LIG1: variants seen among roughly 807,000 people sequenced by gnomAD.
LIG1 encodes ligase I, DNA, ATP-dependent.
Under a neutral mutation model 115.7 loss-of-function variants are expected in LIG1, and 70 were observed. The observed-to-expected ratio is 0.60, with a 90% confidence interval of 0.50 to 0.74. The LOEUF (loss-of-function observed/expected upper bound fraction) is 0.74. Ranked by LOEUF, LIG1 falls within the 30% of genes least tolerant of loss-of-function variation. The pLI, the probability that LIG1 is intolerant of heterozygous loss-of-function variation, is 0.00. For missense variants in LIG1, 1,115 were observed against 1,225.6 expected (o/e 0.91, Z 1.35); for synonymous variants, 487 against 495.3 (o/e 0.98, Z 0.22).
chr19:48,139,222 T>A (rs1221108431), intron 12 of LIG1, among the ~76,000 whole-genome samples: 6 of 152,178 alleles, frequency 3.9e-5, no homozygotes, highest in Non-Finnish European at 8.8e-5. Flanking sequence ...AGGTTGCTCA[T>A]GCCTGCCCCA....
chr19:48,117,749 C>A lies in LIG1; in HGVS notation c.2472G>T (p.Val824=), dbSNP rs528662739. The A allele has an allele frequency of 6.2e-7, 1 of 1,613,184 alleles. No homozygotes were observed. Among genetic ancestry groups the A allele is most frequent in the African/African-American group, 1.3e-5 (1 of 75,060 alleles). Reference sequence around the variant, plus strand: ...CGGGAATCACAGCGCCATCTATCCGCACGTAAGGGCGTGGGCTGGGCAGCA... The same window carrying A: ...CGGGAATCACAGCGCCATCTATCCGAACGTAAGGGCGTGGGCTGGGCAGCA... ...ALVLPSPRPY[V]RIDGAVIPDH... is the part of the protein sequence containing the mutation. Residue 824 remains valine, a synonymous_variant, in exon 26 of 28, where the codon GTG becomes GTT. Transcript: ENST00000263274.
chr19:48,135,891 G>GCGGGCCCCCCC, intron 15 of LIG1, 112 bp from the exon 16 acceptor site: 1 of 928,676 alleles, frequency 1.1e-6, no homozygotes, highest in Non-Finnish European at 1.7e-6. Context: ...GGCCCAAGAC[G>GCGGGCCCCCCC]CCCCCTCCCC....
At chr19:48,144,559 T>C (rs981276297) in intron 9 of LIG1, among the ~76,000 whole-genome samples, 3 of 152,052 alleles carry the variant, frequency 2.0e-5, no homozygotes, top group Non-Finnish European at 2.9e-5. Context: ...TGGAGTGCAG[T>C]GGCATGATCT....
At chr19:48,160,868 C>A (rs997357628) in intron 4 of LIG1, among the ~76,000 whole-genome samples, 1 of 151,870 alleles carries the variant, frequency 6.6e-6, no homozygotes, top group Non-Finnish European at 1.5e-5. Context: ...AAGGAGATAG[C>A]ACCACAGGCA....
chr19:48,137,783 G>A lies in LIG1; in HGVS notation c.1088-95C>T, dbSNP rs755841950. The stretch of plus-strand genomic sequence containing the variant: ...GCCTGGATGAATTTTCTCCAGCTGT[G>A]TGTGCTTGTGGCGAGTCCCTGCACC... On this transcript the variant is annotated intron_variant, in intron 12 of 27. Transcript: ENST00000263274. This position sits in a 1 kb window ranked among gnomAD's most constrained non-coding sequence, Gnocchi z 4.3. The A allele has an allele frequency of 6.8e-7, 1 of 1,481,172 alleles. No homozygotes were observed. The highest frequency in any genetic ancestry group is 9.2e-7 in the Non-Finnish European group (1 of 1,089,612). 91.8% of individuals were successfully genotyped at this position (1,481,172 alleles called of 1,614,324 possible).
chr19:48,126,813 G>A (rs2122464036), intron 21 of LIG1, among the ~76,000 whole-genome samples: 1 of 151,222 alleles, frequency 6.6e-6, no homozygotes, highest in South Asian at 2.1e-4. Context: ...TGAACTACTG[G>A]GCTCAAGCGA....
At chr19:48,126,200 G>A (rs151197702) in intron 21 of LIG1, among the ~76,000 whole-genome samples, 9 of 152,200 alleles carry the variant, frequency 5.9e-5, no homozygotes, top group Admixed American at 3.9e-4. Context: ...TAGCCATGCC[G>A]CTAGGAAGGT....
intron 11 of LIG1, 24 bp downstream of exon 11, chr19:48,143,515 CCCCA>C: frequency 1.8e-6 from 1 of 561,070 alleles, no homozygotes; most frequent in Non-Finnish European, 3.4e-6. Context: ...CGACCCCGCC[CCCCA>C]CCCAGGCAGT....
chr19:48,127,241 C>T, intron 21 of LIG1, 36 bp downstream of exon 21: 3 of 1,576,352 alleles, frequency 1.9e-6, no homozygotes, highest in Non-Finnish European at 2.6e-6. Context: ...ACCCCGTCAC[C>T]CCTCAGCTGC....
intron 24 of LIG1, chr19:48,120,370 A>G: frequency 2.0e-6 from 2 of 985,396 alleles, no homozygotes; most frequent in Non-Finnish European, 2.4e-6. Context: ...TTACTCATAG[A>G]GAAGGATCAC....
chr19:48,161,270 C>T (rs2036160400), intron 4 of LIG1, 102 bp downstream of exon 4: 1 of 1,536,324 alleles, frequency 6.5e-7, no homozygotes, highest in Admixed American at 1.7e-5. Flanking sequence ...CTCTCCCGGG[C>T]AATTTCTCCA....
chr19:48,152,529 T>C lies in LIG1; in HGVS notation c.467-1190A>G, dbSNP rs575950216. On this transcript the variant is annotated intron_variant, in intron 6 of 27. Transcript: ENST00000263274. The stretch of plus-strand genomic sequence containing the variant: ...ACGTTAAAGGCTGCAATTGGTGTAA[T>C]CTCATGCAGGCCCCAGATGATCAAT... 5.9e-5 allele frequency among the ~76,000 whole-genome samples: 9 copies of C among 152,300 alleles called. 1 individual carries two copies. The South Asian group carries it at 1.9e-3, about 32-fold the overall frequency.
intron 16 of LIG1, 49 bp downstream of exon 16, chr19:48,135,631 G>A (rs1403426068): frequency 2.1e-6 from 3 of 1,447,200 alleles, no homozygotes; most frequent in Admixed American, 1.7e-5. Context: ...CCCCACCCTG[G>A]CACTCTGCCC....
chr19:48,148,424 G>T (rs1436285097), intron 9 of LIG1, among the ~76,000 whole-genome samples: 1 of 150,580 alleles, frequency 6.6e-6, no homozygotes, highest in Non-Finnish European at 1.5e-5. Flanking sequence ...GCAATGAGCT[G>T]AGATCGTGCC....
intron 1 of LIG1, 147 bp downstream of exon 1, chr19:48,170,094 C>CT: frequency 2.4e-6 from 1 of 415,696 alleles, no homozygotes; most frequent in Non-Finnish European, 4.9e-6. Context: ...AGCCCGCGCT[C>CT]TTCCGTCTCC....
chr19:48,149,682 C>G (rs1313923933), intron 9 of LIG1, 81 bp downstream of exon 9: 1 of 1,120,202 alleles, frequency 8.9e-7, no homozygotes, highest in African/African-American at 1.5e-5. Flanking sequence ...AGGAGGAAGC[C>G]TGAGCTGGGG....
In LIG1 at chr19:48,119,155, C is replaced by T; in HGVS notation, c.2421G>A (p.Glu807=). 2 of 1,581,818 alleles carry T rather than the reference C, an allele frequency of 1.3e-6. No homozygotes were observed. Among genetic ancestry groups the T allele is most frequent in the South Asian group, 1.2e-5 (1 of 86,196 alleles). ...GTGFSDEELE[E]HHQSLKALVL... ...GGCTCACCTTGAGGCTCTGGTGATG[C>T]TCCTCCAGCTCCTCATCACTGAAGC... Residue 807 remains glutamate (E), a synonymous_variant, in exon 25 of 28, where the codon GAG becomes GAA. Transcript: ENST00000263274.
intron 5 of LIG1, among the ~76,000 whole-genome samples, chr19:48,155,705 T>C (rs1223321266): frequency 6.6e-6 from 1 of 152,202 alleles, no homozygotes; most frequent in South Asian, 2.1e-4. Context: ...AACAGTATGA[T>C]TCCAACATTC....
intron 15 of LIG1, 111 bp from the exon 16 acceptor site, chr19:48,135,890 C>T (rs540945083): frequency 6.2e-6 from 6 of 974,446 alleles, no homozygotes; most frequent in Admixed American, 3.9e-5. Flanking sequence ...CGGCCCAAGA[C>T]GCCCCCTCCC....
Sources: allele counts gnomAD v4.1 joint callset (sites outside exome capture counted in the v4.1 genomes callset), GRCh38; gene constraint gnomAD v4.1.1; non-coding constraint Gnocchi (gnomAD v3.1); transcripts MANE v1.5; gene names NCBI Gene and HGNC (gene_info 2026-07-23, HGNC 2026-07-21).